The following PLCD4 variants were observed in gnomAD, a reference collection of about 807,000 sequenced individuals.
PLCD4 encodes the protein phospholipase C delta 4.
PLCD4 carries 63 observed loss-of-function variants against 90.2 expected under a neutral mutation model. That is an observed-to-expected ratio of 0.70 (90% confidence interval 0.57 to 0.86). The LOEUF is 0.86. Ranked by LOEUF, PLCD4 falls within the 40% of genes least tolerant of loss-of-function variation. PLCD4 has a pLI of 0.00. For missense variants in PLCD4, 830 were observed against 956.3 expected, an observed-to-expected ratio of 0.87 and a Z score of 1.74; for synonymous variants, 294 against 356.5, an observed-to-expected ratio of 0.82 and a Z score of 1.97.
intron 4 of PLCD4, 93 bp downstream of exon 4, chr2:218,618,900 G>A: frequency 1.6e-6 from 2 of 1,267,532 alleles, no homozygotes; most frequent in Non-Finnish European, 2.2e-6. Context: ...GAGAAGGGGT[G>A]CAGGGCTAGG....
rs1367717455 is a variant in PLCD4, at chr2:218,634,936, A to C, written c.1896+306A>C. On this transcript the variant is annotated intron_variant, in intron 13 of 15. Coordinates refer to ENST00000450993, the MANE Select transcript of PLCD4 (RefSeq NM_032726.4). This position sits in a 1 kb window ranked among gnomAD's most constrained non-coding sequence, Gnocchi z 4.0. ...AAAGTTCTTACAATTCCTGGCACAC[A>C]GGAAGTGCTATAAAAGAGGCTGGCT... 5.9e-5 allele frequency among the ~76,000 whole-genome samples: 9 copies of C among 152,314 alleles called. No individual in the cohort carries two copies. The highest frequency in any genetic ancestry group is 1.5e-5 in the Non-Finnish European group (1 of 68,026).
intron 1 of PLCD4, among the ~76,000 whole-genome samples, chr2:218,609,069 G>C (rs1184162724): frequency 1.3e-5 from 2 of 151,742 alleles, no homozygotes; most frequent in Non-Finnish European, 2.9e-5. Context: ...GTGAACCCCG[G>C]GGGGCGGAGC....
At chr2:218,629,483 CTCTCCTAT>C (rs1176518045) in intron 7 of PLCD4, 28 bp from the exon 8 acceptor site, 1 of 1,607,892 alleles carries the variant, frequency 6.2e-7, no homozygotes. Flanking sequence ...AGATATTGAC[CTCTCCTAT>C]TTCTCGGTGG....
At chr2:218,633,817 G>C (rs746703087) in intron 11 of PLCD4, 56 bp downstream of exon 11, 1 of 1,589,026 alleles carries the variant, frequency 6.3e-7, no homozygotes, top group Non-Finnish European at 8.6e-7. Flanking sequence ...GTTCAGGCCT[G>C]ATGGACTGGC....
In PLCD4 at chr2:218,633,590, T is replaced by C. The variant is rs910553663; in HGVS notation, c.1450-15T>C. On this transcript the variant is annotated splice_polypyrimidine_tract_variant and intron_variant, in intron 10 of 15. Transcript: ENST00000450993. ...GCTGAGGGTTCAATTCCATCTTCTT[T>C]TCCACCTTCTCCAGAAATCCAAGCC... is the stretch of plus-strand genomic sequence containing the variant. The C allele has an allele frequency of 1.9e-6, 3 of 1,611,680 alleles. No homozygotes were observed. Among genetic ancestry groups the C allele is most frequent in the Admixed American group, 1.7e-5 (1 of 59,986 alleles).
intron 7 of PLCD4, 197 bp from the exon 8 acceptor site, chr2:218,629,322 T>G (rs1696253107): frequency 1.8e-6 from 1 of 561,624 alleles, no homozygotes; most frequent in Non-Finnish European, 3.1e-6. Context: ...TCGGGTGGGC[T>G]GAAGTATGGG....
At chr2:218,635,952 G>A in intron 14 of PLCD4, 21 bp downstream of exon 14, 1 of 1,613,950 alleles carries the variant, frequency 6.2e-7, no homozygotes, top group Non-Finnish European at 8.5e-7. Context: ...GGCAGTGCTG[G>A]GGAGGTGGGG....
intron 7 of PLCD4, 39 bp downstream of exon 7, chr2:218,628,269 G>C: frequency 6.3e-7 from 1 of 1,583,874 alleles, no homozygotes; most frequent in Non-Finnish European, 8.7e-7. Flanking sequence ...CTCATGAGAG[G>C]GACCATGTAG....
At position 218,634,464 on chromosome 2, in the gene PLCD4, T is replaced by C. The variant is rs761005731; in HGVS notation, c.1730T>C (p.Met577Thr). The change falls in exon 13 of 16, where the codon ATG (methionine) becomes ACG (threonine). Residue 577 changes from methionine to threonine, a missense_variant. Physicochemically the swap from Met to Thr is moderately conservative, Grantham distance 81. Transcript: ENST00000450993. The surrounding 1 kb of genome is among the most constrained non-coding windows in gnomAD (Gnocchi z 4.0). ...LWNAGCQMVAMNMQTAGLEMD... is the reference protein window; with the variant it reads ...LWNAGCQMVATNMQTAGLEMD... Reference sequence around the variant, plus strand: ...TTTCTCCTGGGGCCCTCAGTGGCCATGAATATGCAGACTGCAGGGCTTGAA... The same window carrying C: ...TTTCTCCTGGGGCCCTCAGTGGCCACGAATATGCAGACTGCAGGGCTTGAA... The C allele has an allele frequency of 2.5e-6, 4 of 1,612,122 alleles. No individual in the cohort carries two copies. The highest frequency in any genetic ancestry group is 1.1e-5 in the South Asian group (1 of 90,814).
At chr2:218,627,125 G>A (rs1459790020) in intron 6 of PLCD4, among the ~76,000 whole-genome samples, 1 of 151,574 alleles carries the variant, frequency 6.6e-6, no homozygotes, top group Non-Finnish European at 1.5e-5. Flanking sequence ...GCCGGGTGTA[G>A]TGGGGGGCGC....
In PLCD4 at chr2:218,637,123, C is replaced by T. The variant is rs1368735605; in HGVS notation, c.*546C>T. ...AACACTGCACAGCACTCAAAGTCCCCCACTGGACTGCTTCCTCCTTAGCCC... is the reference window on the plus strand; with the variant it reads ...AACACTGCACAGCACTCAAAGTCCCTCACTGGACTGCTTCCTCCTTAGCCC... On this transcript the variant is annotated 3_prime_UTR_variant, in exon 16 of 16. Coordinates refer to ENST00000450993, the MANE Select transcript of PLCD4 (RefSeq NM_032726.4). 3.1e-6 allele frequency: 1 copy of T among 323,110 alleles called. No individual in the cohort carries two copies. Among genetic ancestry groups the T allele is most frequent in the African/African-American group, 2.2e-5 (1 of 46,042 alleles). The allele number at this position is 323,110 out of a possible 1,614,324, so 20.0% of individuals were successfully genotyped here.
chr2:218,627,946 G>A, intron 6 of PLCD4, 83 bp from the exon 7 acceptor site: 1 of 1,298,252 alleles, frequency 7.7e-7, no homozygotes, highest in Non-Finnish European at 1.1e-6. Flanking sequence ...TCTGGATGGA[G>A]TGGGAGGAAG....
At position 218,616,726 on chromosome 2, in the gene PLCD4, T is replaced by TACATACATAC. The variant is rs1553571847; in HGVS notation, c.181+665_181+666insCATACATACA. ...GACCCTGTCTCTACAAAAATACATA[T>TACATACATAC]ATACATACATACATACATACATACA... On this transcript the variant is annotated intron_variant, in intron 3 of 15. Transcript: ENST00000450993. 3.3e-3 allele frequency among the ~76,000 whole-genome samples: 427 copies of TACATACATAC among 128,842 alleles called. 2 individuals carry two copies. Among genetic ancestry groups the TACATACATAC allele is most frequent in the Non-Finnish European group, 4.7e-3 (291 of 61,902 alleles). The allele number at this position is 128,842 out of a possible 152,430, so 84.5% of individuals were successfully genotyped here. A position where few individuals can be genotyped will look rare whatever the true frequency, so the allele number is the denominator to read the frequency against.
Position 218,615,701 on chromosome 2 carries a change from C to T in PLCD4, c.-33-6C>T, listed in dbSNP as rs542571137. ...CAGAGCCCTTTGCTCTTCCTTGCTC[C>T]TTTAGGTGATCTGGTGCCAGCTGGT... On this transcript the variant is annotated splice_polypyrimidine_tract_variant and splice_region_variant and intron_variant, in intron 1 of 15. Transcript: ENST00000450993. 3.8e-6 allele frequency: 6 copies of T among 1,584,486 alleles called. No individual in the cohort carries two copies. Among genetic ancestry groups the T allele is most frequent in the Middle Eastern group, 1.7e-4 (1 of 5,898 alleles).
intron 1 of PLCD4, among the ~76,000 whole-genome samples, chr2:218,612,089 T>G (rs987919231): frequency 4.6e-5 from 7 of 151,668 alleles, no homozygotes; most frequent in African/African-American, 1.7e-4. Context: ...TTTGTATTTT[T>G]AGTAGAGACA....
intron 10 of PLCD4, 99 bp from the exon 11 acceptor site, chr2:218,633,506 G>T: frequency 7.3e-7 from 1 of 1,373,066 alleles, no homozygotes. Context: ...AGAATACAGT[G>T]GGGAGGCAGT....
chr2:218,621,517 A>G lies in PLCD4; in HGVS notation c.458A>G (p.Lys153Arg), dbSNP rs1224331388. 1.9e-6 allele frequency: 3 copies of G among 1,614,050 alleles called. No individual in the cohort carries two copies. The highest frequency in any genetic ancestry group is 2.5e-6 in the Non-Finnish European group (3 of 1,179,880). The change falls in exon 5 of 16, where the codon AAG (lysine) becomes AGG (arginine). Residue 153 changes from lysine to arginine, a missense_variant. Coordinates refer to ENST00000450993, the MANE Select transcript of PLCD4 (RefSeq NM_032726.4). ...CGTGGAGACAAAAATCAGGATGGTA[A>G]GATGAGTTTCCAAGAAGTTCAGCGG... is the stretch of plus-strand genomic sequence containing the variant. The part of the protein sequence containing the change: ...FQRGDKNQDG[K>R]MSFQEVQRLL...
rs754594394 is a variant in PLCD4 at position 218,634,558 on chromosome 2, G to T, written c.1824G>T (p.Leu608=). ...GCTATGTGCTGAAGCCAGACTTCCT[G>T]CGTGATATCCAGAGTTCTTTCCACC... ...GCGYVLKPDF[L]RDIQSSFHPE... Residue 608 remains leucine (L), a synonymous_variant, in exon 13 of 16, where the codon CTG becomes CTT. Coordinates refer to ENST00000450993, the MANE Select transcript of PLCD4 (RefSeq NM_032726.4). The surrounding 1 kb of genome is among the most constrained non-coding windows in gnomAD (Gnocchi z 4.0). 14 of 1,613,926 alleles carry T rather than the reference G, an allele frequency of 8.7e-6. No individual in the cohort carries two copies. The highest frequency in any genetic ancestry group is 1.2e-5 in the Non-Finnish European group (14 of 1,179,906).
At chr2:218,622,361 T>C (rs1410762311) in intron 5 of PLCD4, 1 of 238,130 alleles carries the variant, frequency 4.2e-6, no homozygotes, top group Admixed American at 5.5e-5. Context: ...TGATTTATTC[T>C]ATGAACACTA....
Sources: allele counts gnomAD v4.1 joint callset (sites outside exome capture counted in the v4.1 genomes callset), GRCh38; gene constraint gnomAD v4.1.1; non-coding constraint Gnocchi (gnomAD v3.1); transcripts MANE v1.5; gene names NCBI Gene and HGNC (gene_info 2026-07-23, HGNC 2026-07-21).